Variants in MRPL48 observed in about 807,000 individuals in gnomAD.
MRPL48 encodes the protein mitochondrial ribosomal protein L48.
MRPL48 carries 16 observed loss-of-function variants against 32.9 expected under a neutral mutation model. That is an observed-to-expected ratio of 0.49 (90% CI 0.33 to 0.74). MRPL48 has a LOEUF of 0.74. MRPL48 is among the 30% of genes least tolerant of loss of function. MRPL48 has a pLI of 0.02. For synonymous variants in MRPL48, 94 were observed against 89.2 expected (o/e 1.05, Z -0.31); for missense variants, 206 against 245.3 (o/e 0.84, Z 1.07).
At chr11:73,819,948 A>G (rs760865782) in intron 3 of MRPL48, among the ~76,000 whole-genome samples, 3 of 152,204 alleles carry the variant, frequency 2.0e-5, no homozygotes, top group Non-Finnish European at 2.9e-5. Flanking sequence ...TGGTTAGATT[A>G]ATGAAAGAGA....
At chr11:73,821,518 A>T (rs1947782029) in intron 3 of MRPL48, among the ~76,000 whole-genome samples, 1 of 152,096 alleles carries the variant, frequency 6.6e-6, no homozygotes, top group South Asian at 2.1e-4. Flanking sequence ...CTTTAAAATT[A>T]TCTCTGGCTC....
intron 1 of MRPL48, among the ~76,000 whole-genome samples, chr11:73,798,268 A>C (rs1038094696): frequency 6.6e-6 from 1 of 151,480 alleles, no homozygotes; most frequent in Non-Finnish European, 1.5e-5. Context: ...ACAAAATACA[A>C]AATACAGCCT....
Position 73,862,240 on chromosome 11 carries a change from T to C in MRPL48, c.475-932T>C, listed in dbSNP as rs184717702. 1.3e-3 allele frequency among the ~76,000 whole-genome samples: 195 copies of C among 152,188 alleles called. 1 individual carries two copies. Among genetic ancestry groups the C allele is most frequent in the African/African-American group, 4.5e-3 (186 of 41,524 alleles). ...GAGTTTGAGACCAGCCTCACCAACA[T>C]GAAGAAACCCCATCTCTACTAAAAA... On this transcript the variant is annotated intron_variant, in intron 6 of 7. Coordinates refer to ENST00000310614, the MANE Select transcript of MRPL48 (RefSeq NM_016055.6).
chr11:73,832,116 A>T (rs1020678862), intron 4 of MRPL48, among the ~76,000 whole-genome samples: 7 of 152,144 alleles, frequency 4.6e-5, no homozygotes, highest in Non-Finnish European at 1.0e-4. Context: ...ATGTGGAAGG[A>T]TGAAATGGAG....
chr11:73,807,799 G>A (rs949682516), intron 2 of MRPL48, among the ~76,000 whole-genome samples: 2 of 151,908 alleles, frequency 1.3e-5, no homozygotes, highest in African/African-American at 4.8e-5. Flanking sequence ...CACCAAACCC[G>A]GGTAATTTTT....
chr11:73,826,977 T>C (rs997870584), intron 4 of MRPL48, among the ~76,000 whole-genome samples: 32 of 150,928 alleles, frequency 2.1e-4, no homozygotes, highest in African/African-American at 6.3e-4. Flanking sequence ...GATTTCTCCA[T>C]GTTGGCCAGG....
intron 4 of MRPL48, among the ~76,000 whole-genome samples, chr11:73,826,194 T>A (rs71479553): frequency 0.055 from 8,374 of 151,598 alleles, 256 homozygotes; most frequent in Middle Eastern, 0.11. Flanking sequence ...TTAAAAAAAA[T>A]TTTTTTATAG....
chr11:73,842,990 T>A (rs1422809832), intron 4 of MRPL48: 1 of 151,930 alleles, frequency 6.6e-6, no homozygotes, highest in Non-Finnish European at 1.5e-5. Context: ...TAAGAAAATT[T>A]TTTTTGTAGA....
At chr11:73,861,648 C>T (rs1038726250) in intron 6 of MRPL48, among the ~76,000 whole-genome samples, 2 of 152,172 alleles carry the variant, frequency 1.3e-5, no homozygotes, top group African/African-American at 2.4e-5. Context: ...GGATTACAGG[C>T]ATGAACCACT....
Position 73,844,958 on chromosome 11 carries a change from C to T in MRPL48, c.353C>T (p.Ser118Phe). Residue 118 changes from serine to phenylalanine, a missense_variant, in exon 5 of 8, where the codon TCC becomes TTC. Ser to Phe is a radical substitution (Grantham distance 155). Coordinates refer to ENST00000310614, the MANE Select transcript of MRPL48 (RefSeq NM_016055.6). ...GTTCACAACCTCTGCAACTCTCTCTCCATTAAAGTCGAGGAAAGGTATGAA... is the reference window on the plus strand; with the variant it reads ...GTTCACAACCTCTGCAACTCTCTCTTCATTAAAGTCGAGGAAAGGTATGAA... Reference protein sequence around the residue: ...QYVHNLCNSLSIKVEESYAMP... With the variant: ...QYVHNLCNSLFIKVEESYAMP... 1 of 1,607,888 alleles carries T rather than the reference C, an allele frequency of 6.2e-7. No homozygotes were observed. The highest frequency in any genetic ancestry group is 2.2e-5 in the East Asian group (1 of 44,698).
rs572581737 is a variant in MRPL48, at chr11:73,798,121, G to A, written c.22-6906G>A. 5.3e-5 allele frequency among the ~76,000 whole-genome samples: 8 copies of A among 151,600 alleles called. No individual in the cohort carries two copies. In the South Asian group the frequency reaches 6.3e-4, roughly 12 times the overall value. The stretch of plus-strand genomic sequence containing the variant: ...TTTTGAGACAGAGTCTCGCTCTGTC[G>A]CCCTGGAGGGCAGTGGCATAATCTC... On this transcript the variant is annotated intron_variant, in intron 1 of 7. Coordinates refer to ENST00000310614, the MANE Select transcript of MRPL48 (RefSeq NM_016055.6).
chr11:73,800,288 A>G (rs1211716689), intron 1 of MRPL48, among the ~76,000 whole-genome samples: 2 of 152,184 alleles, frequency 1.3e-5, no homozygotes, highest in East Asian at 3.8e-4. Context: ...TAAAGTGCCT[A>G]GTAAATAGGA....
rs185370976 is a variant in MRPL48 at position 73,840,273 on chromosome 11, A to C, written c.202-4534A>C. Among the ~76,000 whole-genome samples the C allele has an allele frequency of 2.0e-5, 3 of 152,102 alleles. No individual in the cohort carries two copies. The South Asian group carries it at 6.2e-4, about 32-fold the overall frequency. On this transcript the variant is annotated intron_variant, in intron 4 of 7. Transcript: ENST00000310614. ...TTTGGGAGGCCAAGGCTGGCGGATC[A>C]CTTGAACCCAGGAGTTTGAGACCAG...
chr11:73,806,192 C>G (rs1319437599), intron 2 of MRPL48, among the ~76,000 whole-genome samples: 1 of 152,072 alleles, frequency 6.6e-6, no homozygotes, highest in African/African-American at 2.4e-5. Flanking sequence ...CTCCTTTGCT[C>G]CAAATTCTCC....
At chr11:73,819,434 T>G (rs1266809198) in intron 3 of MRPL48, among the ~76,000 whole-genome samples, 2 of 152,220 alleles carry the variant, frequency 1.3e-5, no homozygotes, top group Admixed American at 1.3e-4. Flanking sequence ...GATTGACATA[T>G]GAGTTTTCTT....
At chr11:73,834,373 T>A (rs1286542022) in intron 4 of MRPL48, among the ~76,000 whole-genome samples, 1 of 152,224 alleles carries the variant, frequency 6.6e-6, no homozygotes, top group Admixed American at 6.5e-5. Context: ...CTTATCATAT[T>A]ACTTCTATCT....
chr11:73,821,939 A>G (rs1017460489), intron 3 of MRPL48, among the ~76,000 whole-genome samples: 1 of 152,166 alleles, frequency 6.6e-6, no homozygotes. Context: ...TGGAGAGTTC[A>G]GTGCTTTTTA....
chr11:73,794,997 G>A (rs915706020), intron 1 of MRPL48, among the ~76,000 whole-genome samples: 4 of 150,450 alleles, frequency 2.7e-5, no homozygotes, highest in Non-Finnish European at 5.9e-5. Context: ...TGAAACCTCC[G>A]CCTTCTGGGT....
In MRPL48 at chr11:73,788,077, G is replaced by A. The variant is rs537105740; in HGVS notation, c.21+85G>A. 9.6e-6 allele frequency: 15 copies of A among 1,567,814 alleles called. No individual in the cohort carries two copies. The South Asian group carries it at 1.5e-4, about 16-fold the overall frequency. On this transcript the variant is annotated intron_variant, in intron 1 of 7. Transcript: ENST00000310614. The stretch of plus-strand genomic sequence containing the variant: ...GATGGCGGAGGGTGCAGAGCGGGGA[G>A]GTGGCGGCGCGCGGACATCCGGGGA...
Sources: allele counts gnomAD v4.1 joint callset (sites outside exome capture counted in the v4.1 genomes callset), GRCh38; gene constraint gnomAD v4.1.1; transcripts MANE v1.5; gene names NCBI Gene and HGNC (gene_info 2026-07-23, HGNC 2026-07-21).